Variants in ALK observed in about 807,000 individuals in gnomAD.
ALK encodes ALK tyrosine kinase receptor.
In ALK, 74 loss-of-function variants were observed where a neutral mutation model predicts 163.1. That is an observed-to-expected ratio of 0.45 (90% CI 0.38 to 0.55). The LOEUF is 0.55. ALK is among the 20% of genes least tolerant of loss of function. ALK has a pLI of 0.00. For missense variants in ALK, 2,063 were observed against 2,105.3 expected (o/e 0.98, Z 0.39); for synonymous variants, 960 against 843.2 (o/e 1.14, Z -2.40).
chr2:29,199,468 T>C (rs557884191), intron 26 of ALK, among the ~76,000 whole-genome samples: 1 of 152,208 alleles, frequency 6.6e-6, no homozygotes, highest in Non-Finnish European at 1.5e-5. Flanking sequence ...TGGTGTCTAG[T>C]GTGAGGTAAG....
At chr2:29,824,729 A>C (rs899462617) in intron 1 of ALK, among the ~76,000 whole-genome samples, 2 of 152,212 alleles carry the variant, frequency 1.3e-5, no homozygotes, top group African/African-American at 4.8e-5. Context: ...GGAAGTAACT[A>C]ACTTGCTTTT....
At chr2:29,640,036 G>A (rs768972315) in intron 3 of ALK, among the ~76,000 whole-genome samples, 2 of 152,186 alleles carry the variant, frequency 1.3e-5, no homozygotes, top group Non-Finnish European at 2.9e-5. Flanking sequence ...AGGGGTAGGG[G>A]AGATGCAACT....
chr2:29,866,686 A>G (rs1030979913), intron 1 of ALK, among the ~76,000 whole-genome samples: 10 of 152,236 alleles, frequency 6.6e-5, no homozygotes, highest in Non-Finnish European at 1.3e-4. Flanking sequence ...ATAAGGAAGA[A>G]TTAAAGTTAA....
intron 4 of ALK, among the ~76,000 whole-genome samples, chr2:29,440,609 G>T (rs1234845148): frequency 6.6e-6 from 1 of 152,176 alleles, no homozygotes; most frequent in Non-Finnish European, 1.5e-5. Context: ...AAGCCACAGT[G>T]CCTGGCTGAT....
intron 4 of ALK, among the ~76,000 whole-genome samples, chr2:29,393,290 C>G (rs1170694373): frequency 6.6e-6 from 1 of 152,196 alleles, no homozygotes. Flanking sequence ...CCTCCTGTCT[C>G]TCGCCCCTCT....
intron 8 of ALK, among the ~76,000 whole-genome samples, chr2:29,308,104 G>A (rs556057798): frequency 6.8e-6 from 1 of 146,938 alleles, no homozygotes; most frequent in South Asian, 2.2e-4. Context: ...ATGAATATCT[G>A]ACTTTTGATA....
intron 3 of ALK, among the ~76,000 whole-genome samples, chr2:29,603,827 G>T (rs994207525): frequency 5.9e-5 from 9 of 152,142 alleles, no homozygotes; most frequent in African/African-American, 1.9e-4. Context: ...CTATGCCTGG[G>T]ATACTTCCTT....
chr2:29,664,376 T>C (rs1677442542), intron 3 of ALK, among the ~76,000 whole-genome samples: 1 of 152,174 alleles, frequency 6.6e-6, no homozygotes, highest in Non-Finnish European at 1.5e-5. Context: ...ATACTGGTTC[T>C]CTTTTCTTTA....
chr2:29,772,861 T>C (rs911965978), intron 1 of ALK, among the ~76,000 whole-genome samples: 1 of 152,228 alleles, frequency 6.6e-6, no homozygotes, highest in South Asian at 2.1e-4. Context: ...TTTTCCTACC[T>C]GGTCTCATGA....
In ALK at chr2:29,920,375, G is replaced by A. The variant is rs2148443583; in HGVS notation, c.285C>T (p.Cys95=). The stretch of plus-strand genomic sequence containing the variant: ...GCCCCAGCAACCTGAGCAGCGGGGC[G>A]CAGTCCAGAGCTAGCGAGCCGCGGG... ...PEARGSLALD[C]APLLRLLGPA... Residue 95 remains cysteine, a synonymous_variant, in exon 1 of 29, where the codon TGC becomes TGT. Transcript: ENST00000389048. 2.6e-6 allele frequency: 4 copies of A among 1,559,162 alleles called. No individual in the cohort carries two copies. Among genetic ancestry groups the A allele is most frequent in the Non-Finnish European group, 3.5e-6 (4 of 1,152,662 alleles).
intron 5 of ALK, among the ~76,000 whole-genome samples, chr2:29,376,540 G>T (rs1314516785): frequency 1.3e-5 from 2 of 152,232 alleles, no homozygotes; most frequent in Admixed American, 6.5e-5. Flanking sequence ...TTTAGTACTT[G>T]CTCAGAAACT....
At chr2:29,306,197 T>A (rs1418892950) in intron 8 of ALK, among the ~76,000 whole-genome samples, 1 of 152,252 alleles carries the variant, frequency 6.6e-6, no homozygotes, top group Admixed American at 6.5e-5. Flanking sequence ...TAGGCTTATC[T>A]CACTGTATAC....
chr2:29,498,174 T>A (rs1672079492), intron 4 of ALK, among the ~76,000 whole-genome samples: 1 of 152,126 alleles, frequency 6.6e-6, no homozygotes, highest in Non-Finnish European at 1.5e-5. Flanking sequence ...TCCTTCCAGA[T>A]GAGATGGCAT....
intron 5 of ALK, among the ~76,000 whole-genome samples, chr2:29,334,492 G>A (rs1475307146): frequency 6.6e-6 from 1 of 152,134 alleles, no homozygotes; most frequent in Non-Finnish European, 1.5e-5. Flanking sequence ...TTCTTTATGC[G>A]GCCTCCAAGG....
At chr2:29,909,480 CAGAGAGAGAGAGAGAGAGAGAGAG>C (rs369360033) in intron 1 of ALK, among the ~76,000 whole-genome samples, 1 of 135,890 alleles carries the variant, frequency 7.4e-6, no homozygotes, top group Non-Finnish European at 1.6e-5. Flanking sequence ...GACAGACAGA[CAGAGAGAGAGAGAGAGAGAGAGAG>C]AGAGAGAGAG....
chr2:29,884,985 G>T (rs919125637), intron 1 of ALK, among the ~76,000 whole-genome samples: 1 of 152,182 alleles, frequency 6.6e-6, no homozygotes, highest in Admixed American at 6.5e-5. Flanking sequence ...TTGTGCAAAT[G>T]CAGATGGGTT....
chr2:29,422,317 G>C (rs1670034319), intron 4 of ALK, among the ~76,000 whole-genome samples: 2 of 148,134 alleles, frequency 1.4e-5, no homozygotes, highest in Admixed American at 1.3e-4. Flanking sequence ...AGAAAACACA[G>C]TCTCCTTGGC....
chr2:29,319,268 C>T (rs1053616259), intron 7 of ALK: 4 of 152,228 alleles, frequency 2.6e-5, no homozygotes, highest in African/African-American at 9.7e-5. Flanking sequence ...TGTGAGCTCA[C>T]AACACTTTAG....
intron 9 of ALK, among the ~76,000 whole-genome samples, chr2:29,288,855 G>A (rs1220068037): frequency 6.6e-6 from 1 of 151,652 alleles, no homozygotes; most frequent in Non-Finnish European, 1.5e-5. Flanking sequence ...GGGAGGCTGA[G>A]GCAGGAGAAT....
Sources: gnomAD v4.1 joint callset for allele counts (sites outside exome capture counted in the v4.1 genomes callset) on GRCh38, gnomAD v4.1.1 for gene constraint, MANE v1.5 for transcripts, NCBI Gene and HGNC (gene_info 2026-07-23, HGNC 2026-07-21) for gene names.